Variants in FLNA observed in about 807,000 individuals in gnomAD.
FLNA encodes filamin-A.
FLNA carries 7 observed loss-of-function variants against 157.6 expected under a neutral mutation model. That is an observed-to-expected ratio of 0.04 (90% CI 0.03 to 0.08). The LOEUF (loss-of-function observed/expected upper bound fraction) is 0.08, where lower values mean the gene tolerates loss of function less well. Ranked by LOEUF, FLNA falls within the 10% of genes least tolerant of loss-of-function variation. FLNA has a pLI of 1.00. For synonymous variants in FLNA, 1,103 were observed against 1,060.8 expected (o/e 1.04, Z -0.77); for missense variants, 1,750 against 2,398.4 (o/e 0.73, Z 5.65).
At position 154,366,053 on chromosome X, in the gene FLNA, C is replaced by T. The variant is rs782022718; in HGVS notation, c.1400G>A (p.Arg467His). 1.2e-5 allele frequency: 14 copies of T among 1,208,098 alleles called. No individual in the cohort carries two copies. The highest frequency in any genetic ancestry group is 5.3e-5 in the South Asian group (3 of 56,914). Residue 467 changes from arginine (R) to histidine (H), a missense_variant, in exon 9 of 48, where the codon CGC becomes CAC. Coordinates refer to ENST00000369850, the MANE Select transcript of FLNA (RefSeq NM_001110556.2). ...GCCAACAGTGACAGTGTAGGGGCTG[C>T]GAGGGATGGGCACGCCGGCAAACGT... ...HVTFAGVPIP[R>H]SPYTVTVGQA...
At chrX:154,370,328 G>T (rs1249662072) in intron 2 of FLNA, among the ~76,000 whole-genome samples, 1 of 110,284 alleles carries the variant, frequency 9.1e-6, no homozygotes, top group Non-Finnish European at 1.9e-5. Flanking sequence ...CTGTGTGTGT[G>T]TGGGGGGGTA....
At position 154,348,626 on chromosome X, in the gene FLNA, G is replaced by A; in HGVS notation, c.*223C>T. ...ATCCCTCACCCCTCCCAGAACCAAA[G>A]AAGACAAGCAGCGCCACCAAATGGC... On this transcript the variant is annotated 3_prime_UTR_variant, in exon 48 of 48. Transcript: ENST00000369850. The A allele has an allele frequency of 1.0e-5, 4 of 394,138 alleles. No individual in the cohort carries two copies. In the South Asian group the frequency reaches 2.0e-4, roughly 20 times the overall value. The allele number at this position is 394,138 out of a possible 1,213,427, so 32.5% of individuals were successfully genotyped here. A position where few individuals can be genotyped will look rare whatever the true frequency, so the allele number is the denominator to read the frequency against.
At position 154,355,032 on chromosome X, in the gene FLNA, C is replaced by T. The variant is rs1449966344; in HGVS notation, c.5010G>A (p.Thr1670=). The change falls in exon 31 of 48, where the codon ACG becomes ACA. Residue 1670 remains threonine, a synonymous_variant. Transcript: ENST00000369850. ...CCGCCTTAGTGTCCACAGTGATCAC[C>T]GTCTCCTCCCCAATCTGAATGGTGG... The part of the protein sequence containing the change: ...IGPTIQIGEE[T]VITVDTKAAG... 3.3e-6 allele frequency: 4 copies of T among 1,210,229 alleles called. No individual in the cohort carries two copies. Among genetic ancestry groups the T allele is most frequent in the Non-Finnish European group, 4.5e-6 (4 of 894,093 alleles).
chrX:154,369,717 CT>C (rs1235170790), intron 2 of FLNA, among the ~76,000 whole-genome samples: 14 of 112,104 alleles, frequency 1.2e-4, no homozygotes, highest in Non-Finnish European at 1.7e-4. Flanking sequence ...GTCGCCCCCC[CT>C]ACCATCCAGG....
rs1557176349 is a variant in FLNA at position 154,353,965 on chromosome X, A to C, written c.5636T>G (p.Val1879Gly). ...GGTGAAGGTGGCAGGCTTGTTCACT[A>C]CTCCATGGGTGAGGCCAGGCCCATA... The part of the protein sequence containing the change: ...TAYGPGLTHG[V>G]VNKPATFTVN... The change falls in exon 35 of 48, where the codon GTA (valine) becomes GGA (glycine). Residue 1879 changes from valine (V) to glycine (G), a missense_variant. Physicochemically the swap from Val to Gly is moderately radical, Grantham distance 109. Transcript: ENST00000369850. The C allele has an allele frequency of 8.3e-7, 1 of 1,210,765 alleles. No individual in the cohort carries two copies.
At chrX:154,371,400 C>G in intron 1 of FLNA, 39 bp from the exon 2 acceptor site, 48 of 440,873 alleles carry the variant, frequency 1.1e-4, no homozygotes, top group Admixed American at 1.8e-4. Flanking sequence ...GGGAGGAGGG[C>G]GGGGCCAGAG....
At position 154,352,124 on chromosome X, in the gene FLNA, C is replaced by G. The variant is rs1230440577; in HGVS notation, c.6769+57G>C. 3.7e-5 allele frequency: 45 copies of G among 1,207,324 alleles called. No homozygotes were observed. In the Admixed American group the frequency reaches 4.8e-4, roughly 13 times the overall value. On this transcript the variant is annotated intron_variant, in intron 41 of 47. Coordinates refer to ENST00000369850, the MANE Select transcript of FLNA (RefSeq NM_001110556.2). ...TGCCTGCCGGCTCTTTCCTCCACCC[C>G]CAACCCCACCCTGGCCAACGCAGGA...
intron 30 of FLNA, among the ~76,000 whole-genome samples, chrX:154,356,397 C>T (rs1233111621): frequency 8.9e-6 from 1 of 111,977 alleles, no homozygotes; most frequent in Non-Finnish European, 1.9e-5. Flanking sequence ...CAAGGCCCTG[C>T]AATCAGTACT....
At position 154,353,073 on chromosome X, in the gene FLNA, C is replaced by G; in HGVS notation, c.6154G>C (p.Val2052Leu). The change falls in exon 38 of 48, where the codon GTC (valine) becomes CTC (leucine). Residue 2052 changes from valine to leucine, a missense_variant. This residue lies in a region of FLNA where 970 missense variants were observed against 1,302.6 expected (regional missense o/e 0.74). Coordinates refer to ENST00000369850, the MANE Select transcript of FLNA (RefSeq NM_001110556.2). ...SEIGDASRVR[V>L]SGQGLHEGHT... The stretch of plus-strand genomic sequence containing the variant: ...CCTTCGTGAAGGCCCTGACCAGAGA[C>G]CCGAACACGACTGGCATCCCCAATT... 8.3e-7 allele frequency: 1 copy of G among 1,211,774 alleles called. No individual in the cohort carries two copies. The highest frequency in any genetic ancestry group is 1.8e-5 in the South Asian group (1 of 57,051).
chrX:154,367,827 T>C lies in FLNA; in HGVS notation c.622+15A>G. 1 of 1,210,495 alleles carries C rather than the reference T, an allele frequency of 8.3e-7. No homozygotes were observed. The highest frequency in any genetic ancestry group is 1.8e-5 in the South Asian group (1 of 56,994). On this transcript the variant is annotated intron_variant, in intron 3 of 47. Coordinates refer to ENST00000369850, the MANE Select transcript of FLNA (RefSeq NM_001110556.2). ...TGACCCCAGCCCAGTCTCTCCTGCC[T>C]CTGCGCCCCCTCACCCGGGGCACAG...
intron 42 of FLNA, 43 bp from the exon 43 acceptor site, chrX:154,351,739 G>A (rs2067621244): frequency 9.0e-7 from 1 of 1,111,338 alleles, no homozygotes. Context: ...CAGCCTTTGG[G>A]CCTCCCACCT....
Position 154,353,830 on chromosome X carries a change from T to C in FLNA, c.5686+85A>G, listed in dbSNP as rs2070826. 0.14 allele frequency: 164,777 copies of C among 1,187,682 alleles called. 11,092 individuals are homozygous for C. The highest frequency in any genetic ancestry group is 0.5 in the African/African-American group (28,052 of 56,586). On this transcript the variant is annotated intron_variant, in intron 35 of 47. Transcript: ENST00000369850. The stretch of plus-strand genomic sequence containing the variant: ...CAGGGCAGCAGGGCAGGGAGCCCCA[T>C]TCAGGAGTATCTCCTGAGTCCAGCC...
Position 154,350,927 on chromosome X carries a change from C to T in FLNA, c.7138G>A (p.Val2380Ile). Residue 2380 changes from valine (V) to isoleucine (I), a missense_variant, in exon 44 of 48, where the codon GTC becomes ATC. By Grantham distance (29) the Val-to-Ile change is conservative (BLOSUM62 3). Around this residue, in one of 5 missense-constraint regions of FLNA, gnomAD observed 970 missense variants for 1,302.6 expected, o/e 0.74. Transcript: ENST00000369850. ...SPSGALEECYVTEIDQDKYAV... is the reference protein window; with the variant it reads ...SPSGALEECYITEIDQDKYAV... ...GCCTCACCTTGGTCAATTTCTGTGACATAGCACTCCTCCAGGGCTCCTGAG... is the reference window on the plus strand; with the variant it reads ...GCCTCACCTTGGTCAATTTCTGTGATATAGCACTCCTCCAGGGCTCCTGAG... 1 of 1,211,611 alleles carries T rather than the reference C, an allele frequency of 8.3e-7. No individual in the cohort carries two copies. Among genetic ancestry groups the T allele is most frequent in the Non-Finnish European group, 1.1e-6 (1 of 895,225 alleles).
chrX:154,350,841 T>C, intron 44 of FLNA, 68 bp downstream of exon 44: 1 of 1,165,259 alleles, frequency 8.6e-7, no homozygotes, highest in Non-Finnish European at 1.2e-6. Context: ...AAGCGGTACC[T>C]TCCTTTTGTA....
intron 5 of FLNA, 33 bp from the exon 6 acceptor site, chrX:154,366,883 G>C: frequency 9.2e-7 from 1 of 1,090,337 alleles, no homozygotes; most frequent in Non-Finnish European, 1.3e-6. Flanking sequence ...CCACGGGCCA[G>C]CTGTTAAGGC....
intron 28 of FLNA, 28 bp from the exon 29 acceptor site, chrX:154,357,651 TG>T: frequency 1.7e-6 from 2 of 1,194,572 alleles, no homozygotes; most frequent in African/African-American, 3.5e-5. Context: ...GGGAGGCAGT[TG>T]GCCCAAGCCC....
intron 14 of FLNA, 43 bp downstream of exon 14, chrX:154,364,216 G>A (rs1557178652): frequency 1.7e-6 from 2 of 1,209,225 alleles, no homozygotes; most frequent in South Asian, 1.8e-5. Context: ...CCAGGCCTGG[G>A]TGCCCACACC....
Position 154,371,332 on chromosome X carries a change from C to A in FLNA, c.-87G>T. 9.3e-7 allele frequency: 1 copy of A among 1,073,959 alleles called. No individual in the cohort carries two copies. Among genetic ancestry groups the A allele is most frequent in the Non-Finnish European group, 1.2e-6 (1 of 807,247 alleles). 88.5% of individuals were successfully genotyped at this position (1,073,959 alleles called of 1,213,427 possible). On this transcript the variant is annotated 5_prime_UTR_variant, in exon 2 of 48. Transcript: ENST00000369850. ...TTAAAGTCGCAGGCACCTAGGCGCG[C>A]GGGAGGCGAGGCAGGGAGCAGAGGT... is the stretch of plus-strand genomic sequence containing the variant.
chrX:154,358,930 C>A, intron 26 of FLNA, 54 bp downstream of exon 26: 1 of 1,186,202 alleles, frequency 8.4e-7, no homozygotes, highest in African/African-American at 1.7e-5. Flanking sequence ...TTTCCCGGCC[C>A]TCAAACAGGA....
Sources: allele counts gnomAD v4.1 joint callset (sites outside exome capture counted in the v4.1 genomes callset), GRCh38; gene constraint gnomAD v4.1.1; regional missense constraint gnomAD v4.1.1; transcripts MANE v1.5; gene names NCBI Gene and HGNC (gene_info 2026-07-23, HGNC 2026-07-21).